Variants in IFT140 observed in about 807,000 individuals in gnomAD.
IFT140 encodes intraflagellar transport protein 140 homolog.
A neutral mutation model predicts 164.6 loss-of-function variants in IFT140; 133 were observed. That is an observed-to-expected ratio of 0.81 (90% CI 0.70 to 0.93). The LOEUF (loss-of-function observed/expected upper bound fraction) is 0.93. Ranked by LOEUF, IFT140 falls within the 40% of genes least tolerant of loss-of-function variation. IFT140 has a pLI of 0.00. For synonymous variants in IFT140, 860 were observed against 817.3 expected (o/e 1.05, Z -0.89); for missense variants, 2,045 against 1,972.3 (o/e 1.04, Z -0.70).
chr16:1,539,177 C>A (rs2031383112), intron 19 of IFT140, among the ~76,000 whole-genome samples: 1 of 151,648 alleles, frequency 6.6e-6, no homozygotes, highest in African/African-American at 2.4e-5. Context: ...TGCCACGCCG[C>A]CCCACGCCTT....
At chr16:1,563,671 G>A (rs1462263993) in intron 17 of IFT140, among the ~76,000 whole-genome samples, 1 of 152,092 alleles carries the variant, frequency 6.6e-6, no homozygotes, top group African/African-American at 2.4e-5. Context: ...AGGTGGCATC[G>A]AGGTTACAGT....
chr16:1,512,456 C>T (rs898531676), intron 30 of IFT140, among the ~76,000 whole-genome samples: 3 of 152,078 alleles, frequency 2.0e-5, no homozygotes, highest in South Asian at 2.1e-4. Context: ...AGTTTAGCTG[C>T]GCTTCCCAGT....
chr16:1,549,505 C>T (rs545536593), intron 19 of IFT140, among the ~76,000 whole-genome samples: 18 of 152,166 alleles, frequency 1.2e-4, no homozygotes, highest in Non-Finnish European at 2.4e-4. Context: ...CTCGGCTCAC[C>T]GCCGCAAGCT....
intron 3 of IFT140, among the ~76,000 whole-genome samples, chr16:1,605,522 C>T (rs994170959): frequency 6.6e-6 from 1 of 152,166 alleles, no homozygotes; most frequent in Non-Finnish European, 1.5e-5. Context: ...TCTCCTGCCT[C>T]AGCCTCCTGA....
intron 6 of IFT140, among the ~76,000 whole-genome samples, chr16:1,591,244 C>T (rs1201288018): frequency 6.6e-6 from 1 of 152,106 alleles, no homozygotes; most frequent in Non-Finnish European, 1.5e-5. Flanking sequence ...TCTCCACCCC[C>T]TTCTCATTAG....
chr16:1,565,051 G>C (rs901955124), intron 16 of IFT140, among the ~76,000 whole-genome samples: 3 of 152,208 alleles, frequency 2.0e-5, no homozygotes, highest in Non-Finnish European at 4.4e-5. Context: ...GGACGGGAAC[G>C]GACAGAAGGC....
intron 13 of IFT140, 107 bp from the exon 14 acceptor site, chr16:1,571,641 G>C: frequency 1.6e-6 from 2 of 1,232,490 alleles, no homozygotes; most frequent in South Asian, 2.9e-5. Context: ...GTGAGTTACT[G>C]AACATTGTTC....
At chr16:1,562,694 C>T (rs1487848177) in intron 17 of IFT140, among the ~76,000 whole-genome samples, 2 of 152,112 alleles carry the variant, frequency 1.3e-5, no homozygotes, top group African/African-American at 4.8e-5. Flanking sequence ...ATCGCTTGAA[C>T]CCGGGAGGCA....
chr16:1,590,217 A>T (rs986678675), intron 6 of IFT140, among the ~76,000 whole-genome samples: 9 of 151,688 alleles, frequency 5.9e-5, no homozygotes, highest in Non-Finnish European at 1.2e-4. Flanking sequence ...AAAAAAAAAA[A>T]AAAAATTAAA....
At chr16:1,542,055 G>A (rs1232702059) in intron 19 of IFT140, 1 of 1,609,292 alleles carries the variant, frequency 6.2e-7, no homozygotes, top group East Asian at 2.2e-5. Flanking sequence ...GGAGGCCATG[G>A]CCGCTGCATT....
chr16:1,539,960 G>C (rs1410448943), intron 19 of IFT140, among the ~76,000 whole-genome samples: 3 of 152,190 alleles, frequency 2.0e-5, no homozygotes, highest in South Asian at 2.1e-4. Flanking sequence ...GCCGGAGCGG[G>C]CACAGTGGAA....
intron 19 of IFT140, chr16:1,541,575 C>T (rs2031640183): frequency 1.2e-6 from 1 of 866,590 alleles, no homozygotes; most frequent in Non-Finnish European, 1.4e-6. Flanking sequence ...CTTCCCACCT[C>T]CACCCCCACG....
chr16:1,534,085 T>A, intron 19 of IFT140: 1 of 649,216 alleles, frequency 1.5e-6, no homozygotes, highest in Non-Finnish European at 2.5e-6. Flanking sequence ...CTGCTCCAGG[T>A]GCAGGAAGGA....
At position 1,611,955 on chromosome 16, in the gene IFT140, G is replaced by A. The variant is rs1026206980; in HGVS notation, c.-222+13C>T. On this transcript the variant is annotated intron_variant, in intron 1 of 30. Coordinates refer to ENST00000426508, the MANE Select transcript of IFT140 (RefSeq NM_014714.4). ...AGAAGCACATACTCCACCCAGGAAA[G>A]GGTGCGCTTAACTGCCTCAGACGTG... is the stretch of plus-strand genomic sequence containing the variant. The A allele has an allele frequency of 2.6e-5, 4 of 152,232 alleles. No individual in the cohort carries two copies. The highest frequency in any genetic ancestry group is 9.6e-5 in the African/African-American group (4 of 41,452). 9.4% of individuals were successfully genotyped at this position (152,232 alleles called of 1,614,324 possible).
intron 4 of IFT140, among the ~76,000 whole-genome samples, chr16:1,596,831 G>C (rs1388547875): frequency 6.6e-6 from 1 of 152,046 alleles, no homozygotes; most frequent in African/African-American, 2.4e-5. Flanking sequence ...TCCAGGCTTG[G>C]GTCTCCTCCG....
intron 12 of IFT140, 134 bp downstream of exon 12, chr16:1,583,180 G>T: frequency 1.3e-6 from 1 of 786,300 alleles, no homozygotes. Context: ...GGCTCTGGAA[G>T]CGCAGGCAGT....
chr16:1,563,452 AC>A (rs1355203132), intron 17 of IFT140, among the ~76,000 whole-genome samples: 25 of 150,880 alleles, frequency 1.7e-4, no homozygotes, highest in African/African-American at 6.1e-4. Flanking sequence ...GACTCAAAAA[AC>A]AAACAAAACA....
chr16:1,558,132 G>A lies in IFT140; in HGVS notation c.2202C>T (p.Pro734=), dbSNP rs570605676. 11 of 1,614,058 alleles carry A rather than the reference G, an allele frequency of 6.8e-6. No individual in the cohort carries two copies. The highest frequency in any genetic ancestry group is 4.5e-5 in the East Asian group (2 of 44,872). ...EVPYYYFTRK[P]EEADREDEVE... is the part of the protein sequence containing the mutation. ...CCTCGTCTTCTCTGTCTGCTTCTTC[G>A]GGCTAAATGACAAAGGACCCATGTG... The change falls in exon 19 of 31, where the codon CCC becomes CCT. Residue 734 remains proline, a splice_region_variant and synonymous_variant. Coordinates refer to ENST00000426508, the MANE Select transcript of IFT140 (RefSeq NM_014714.4).
rs1160630993 is a variant in IFT140 at position 1,587,192 on chromosome 16, C to T, written c.1009+6G>A. 3 of 1,578,626 alleles carry T rather than the reference C, an allele frequency of 1.9e-6. No homozygotes were observed. Among genetic ancestry groups the T allele is most frequent in the African/African-American group, 1.3e-5 (1 of 74,200 alleles). On this transcript the variant is annotated splice_donor_region_variant and intron_variant, in intron 9 of 30. Coordinates refer to ENST00000426508, the MANE Select transcript of IFT140 (RefSeq NM_014714.4). The stretch of plus-strand genomic sequence containing the variant: ...GTTTCTCTTGTGCCAGGCCAGGAAG[C>T]CTCACCTTTGACTTTACAGTAACAC...
Sources: allele counts gnomAD v4.1 joint callset (sites outside exome capture counted in the v4.1 genomes callset), GRCh38; gene constraint gnomAD v4.1.1; transcripts MANE v1.5; gene names NCBI Gene and HGNC (gene_info 2026-07-23, HGNC 2026-07-21).